The following SOX6 variants were observed in gnomAD, a reference collection of about 807,000 sequenced individuals.
The protein encoded by SOX6 is transcription factor SOX-6.
In SOX6, 11 loss-of-function variants were observed where a neutral mutation model predicts 97.8. The ratio of observed to expected loss-of-function variants is 0.11; its 90% CI spans 0.07 to 0.19. The LOEUF (loss-of-function observed/expected upper bound fraction) is 0.19. SOX6 is among the 10% of genes least tolerant of loss of function. SOX6 has a pLI of 1.00. For synonymous variants in SOX6, 360 were observed against 371.4 expected (o/e 0.97, Z 0.35); for missense variants, 810 against 1,039.5 (o/e 0.78, Z 3.04).
chr11:16,450,871 A>T (rs1195423882), intron 1 of SOX6, among the ~76,000 whole-genome samples: 1 of 152,244 alleles, frequency 6.6e-6, no homozygotes, highest in Non-Finnish European at 1.5e-5. Context: ...GAAATAAATT[A>T]TGAGAATGTT....
intron 3 of SOX6, among the ~76,000 whole-genome samples, chr11:16,238,257 T>C (rs1048882396): frequency 6.6e-6 from 1 of 152,096 alleles, no homozygotes; most frequent in South Asian, 2.1e-4. Flanking sequence ...TTGTTTCTGG[T>C]TTTTTCTTTC....
chr11:16,362,263 T>A (rs979176950), intron 1 of SOX6, among the ~76,000 whole-genome samples: 9 of 152,176 alleles, frequency 5.9e-5, no homozygotes, highest in Admixed American at 4.6e-4. Context: ...CTTTCTCTAC[T>A]CTTCTAAAGA....
At chr11:16,097,745 C>G in intron 7 of SOX6, 57 bp from the exon 8 acceptor site, 2 of 1,445,316 alleles carry the variant, frequency 1.4e-6, no homozygotes, top group East Asian at 2.3e-5. Flanking sequence ...TTGCAGCAGA[C>G]AAGTACAAAC....
rs1564887083 is a variant in SOX6 at position 15,972,952 on chromosome 11, T to C, written c.2344A>G (p.Met782Val). The C allele has an allele frequency of 3.7e-6, 6 of 1,614,242 alleles. 1 individual carries two copies. Among genetic ancestry groups the C allele is most frequent in the Middle Eastern group, 3.3e-4 (2 of 6,062 alleles). Residue 782 changes from methionine (M) to valine (V), a missense_variant, in exon 16 of 16, where the codon ATG (methionine) becomes GTG (valine). Met to Val is a conservative substitution (Grantham distance 21). Transcript: ENST00000683767. ...SLPVIQSTYG[M>V]KTDGGSLAGN... The stretch of plus-strand genomic sequence containing the variant: ...GCTAGGCTTCCGCCATCTGTCTTCA[T>C]ACCATAAGTGCTCTGGATGACCGGG...
chr11:16,319,640 G>C lies in SOX6; in HGVS notation c.238-987C>G, dbSNP rs542983392. On this transcript the variant is annotated intron_variant, in intron 2 of 15. Coordinates refer to ENST00000683767, the MANE Select transcript of SOX6 (RefSeq NM_001367873.1). ...AGTTTGCTGAGAATGATGGTTTCCA[G>C]CTTCATCCATGTCCCTACAAAGGAC... is the stretch of plus-strand genomic sequence containing the variant. 4.6e-5 allele frequency among the ~76,000 whole-genome samples: 7 copies of C among 151,920 alleles called. No homozygotes were observed. The South Asian group carries it at 1.5e-3, about 32-fold the overall frequency.
intron 3 of SOX6, among the ~76,000 whole-genome samples, chr11:16,643,222 A>C (rs1341603384): frequency 1.3e-5 from 2 of 152,206 alleles, no homozygotes; most frequent in Non-Finnish European, 2.9e-5. Flanking sequence ...GAGGCTGCAG[A>C]ACAGCGAAGA....
intron 4 of SOX6, chr11:16,484,550 C>A: frequency 3.9e-6 from 3 of 769,270 alleles, no homozygotes; most frequent in East Asian, 2.4e-5. Flanking sequence ...GTCGAGATGG[C>A]AGTACCTGAC....
At chr11:16,301,312 T>C (rs1168852621) in intron 3 of SOX6, among the ~76,000 whole-genome samples, 8 of 152,196 alleles carry the variant, frequency 5.3e-5, no homozygotes, top group Non-Finnish European at 1.0e-4. Context: ...CGAAGATGGC[T>C]AAAAATATGT....
rs75340594 is a variant in SOX6, at chr11:16,557,836, A to G, written n.609+54245T>C. ...TGTTCCTTTTTCAGATCAAAGTATC[A>G]CCTTATATTTGGGATGATTAAAACA... On this transcript the variant is annotated intron_variant and non_coding_transcript_variant, in intron 4 of 5. Transcript: ENST00000524520. Among the ~76,000 whole-genome samples the G allele has an allele frequency of 2.9e-3, 438 of 151,886 alleles. 2 individuals are homozygous for G. Among genetic ancestry groups the G allele is most frequent in the African/African-American group, 0.01 (419 of 41,524 alleles).
intron 4 of SOX6, among the ~76,000 whole-genome samples, chr11:16,222,386 T>C (rs10832568): frequency 6.6e-6 from 1 of 151,924 alleles, no homozygotes; most frequent in South Asian, 2.1e-4. Context: ...CTACTTTTTT[T>C]AATTTTTTGT....
chr11:16,065,033 A>T (rs1048143571), intron 9 of SOX6, among the ~76,000 whole-genome samples: 2 of 152,028 alleles, frequency 1.3e-5, no homozygotes, highest in Non-Finnish European at 2.9e-5. Context: ...CAGACAAGAG[A>T]AAAAAACAAA....
chr11:16,657,665 T>C (rs912774496), intron 3 of SOX6, among the ~76,000 whole-genome samples: 1 of 152,168 alleles, frequency 6.6e-6, no homozygotes, highest in Non-Finnish European at 1.5e-5. Flanking sequence ...TACTTTTTTG[T>C]TTTTTAGCCA....
chr11:16,486,280 A>G (rs996254872), intron 4 of SOX6, among the ~76,000 whole-genome samples: 1 of 152,116 alleles, frequency 6.6e-6, no homozygotes, highest in African/African-American at 2.4e-5. Flanking sequence ...AGTGGGTAAA[A>G]AAGAATATAT....
At chr11:16,555,641 T>G (rs1847741015) in intron 4 of SOX6, among the ~76,000 whole-genome samples, 1 of 151,622 alleles carries the variant, frequency 6.6e-6, no homozygotes, top group East Asian at 1.9e-4. Flanking sequence ...GCTATACTAT[T>G]GAATACAAAA....
intron 3 of SOX6, among the ~76,000 whole-genome samples, chr11:16,302,566 C>CTTTTT (rs71044096): frequency 1.5e-3 from 128 of 86,966 alleles, no homozygotes; most frequent in East Asian, 2.1e-3. Context: ...TTCTTTTTTT[C>CTTTTT]TTTTTTTTTT....
intron 6 of SOX6, among the ~76,000 whole-genome samples, chr11:16,124,141 C>T (rs1166366207): frequency 6.6e-6 from 1 of 152,086 alleles, no homozygotes; most frequent in Non-Finnish European, 1.5e-5. Context: ...TTGCACTGCA[C>T]ATATTGTGTT....
At chr11:16,088,383 T>A (rs1848618999) in intron 9 of SOX6, among the ~76,000 whole-genome samples, 2 of 152,166 alleles carry the variant, frequency 1.3e-5, no homozygotes, top group African/African-American at 2.4e-5. Flanking sequence ...ATGACATGTA[T>A]CTACCATTAT....
chr11:16,274,988 G>T (rs1854355078), intron 3 of SOX6, among the ~76,000 whole-genome samples: 1 of 151,904 alleles, frequency 6.6e-6, no homozygotes, highest in Admixed American at 6.6e-5. Flanking sequence ...AAAAGAAAAA[G>T]GAATAAAAGA....
At chr11:16,037,507 A>C (rs1855549626) in intron 12 of SOX6, among the ~76,000 whole-genome samples, 1 of 152,218 alleles carries the variant, frequency 6.6e-6, no homozygotes, top group African/African-American at 2.4e-5. Context: ...TGGTCTTGGG[A>C]ATGCTGCAAG....
Sources: allele counts gnomAD v4.1 joint callset (sites outside exome capture counted in the v4.1 genomes callset), GRCh38; gene constraint gnomAD v4.1.1; transcripts MANE v1.5; gene names NCBI Gene and HGNC (gene_info 2026-07-23, HGNC 2026-07-21).